LEKR1: variants seen among roughly 807,000 people sequenced by gnomAD.
The protein encoded by LEKR1 is protein LEKR1.
A neutral mutation model predicts 72.4 loss-of-function variants in LEKR1; 59 were observed. The ratio of observed to expected loss-of-function variants is 0.82; its 90% CI spans 0.66 to 1.01. The LOEUF is 1.01. LEKR1 is among the 50% of genes least tolerant of loss of function. The pLI, the probability that LEKR1 is intolerant of heterozygous loss-of-function variation, is 0.00. For synonymous variants in LEKR1, 257 were observed against 263.2 expected (o/e 0.98, Z 0.23); for missense variants, 728 against 759.2 (o/e 0.96, Z 0.48).
intron 3 of LEKR1, among the ~76,000 whole-genome samples, chr3:156,908,216 C>T (rs187260640): frequency 1.3e-5 from 2 of 152,152 alleles, no homozygotes; most frequent in South Asian, 2.1e-4. Flanking sequence ...TTTTTCCCTT[C>T]GTAATTAATA....
chr3:156,881,112 G>C (rs1485671373), intron 3 of LEKR1, among the ~76,000 whole-genome samples: 6 of 152,102 alleles, frequency 3.9e-5, no homozygotes, highest in African/African-American at 1.4e-4. Flanking sequence ...CCCTCTCTCA[G>C]CACTCCTATT....
chr3:157,004,203 G>A lies in LEKR1; in HGVS notation c.1110-7210G>A, dbSNP rs190381773. On this transcript the variant is annotated intron_variant, in intron 9 of 12. Transcript: ENST00000356539. ...TAATGGCTTTACAAAGTAGATTTTG[G>A]AACAAAAAAAATATTACCAGAAGTA... Among the ~76,000 whole-genome samples the A allele has an allele frequency of 1.6e-4, 24 of 151,918 alleles. No individual in the cohort carries two copies. The South Asian group carries it at 3.9e-3, about 25-fold the overall frequency.
rs774211954 is a variant in LEKR1 at position 156,993,141 on chromosome 3, C to G, written c.973C>G (p.Gln325Glu). ...MTCQQIYKALQEELTVKEKQE... is the reference protein window; with the variant it reads ...MTCQQIYKALEEELTVKEKQE... ...TTGTCAACAGATATATAAAGCATTA[C>G]AGGAAGAGCTGACTGTGAAAGAAAA... is the stretch of plus-strand genomic sequence containing the variant. The change falls in exon 9 of 13, where the codon CAG (glutamine) becomes GAG (glutamate). Residue 325 changes from glutamine to glutamate, a missense_variant. Gln to Glu is a conservative substitution (Grantham distance 29). Transcript: ENST00000356539. 4 of 1,611,958 alleles carry G rather than the reference C, an allele frequency of 2.5e-6. No individual in the cohort carries two copies. The African/African-American group carries it at 5.4e-5, about 22-fold the overall frequency.
chr3:156,996,461 CA>C lies in LEKR1; in HGVS notation c.1109+3185del, dbSNP rs1295047083. ...CAGGGTCACATCATGCAGGGCCTTGCAGGCCTTTGGGAGTTTGGGTGCTGTT... is the reference window on the plus strand; with the variant it reads ...CAGGGTCACATCATGCAGGGCCTTGCGGCCTTTGGGAGTTTGGGTGCTGTT... On this transcript the variant is annotated intron_variant, in intron 9 of 12. Transcript: ENST00000356539. Among the ~76,000 whole-genome samples the C allele has an allele frequency of 6.6e-5, 10 of 152,242 alleles. No individual in the cohort carries two copies. In the East Asian group the frequency reaches 1.9e-3, roughly 29 times the overall value.
Position 157,045,670 on chromosome 3 carries a change from C to T in LEKR1, c.1999C>T (p.Pro667Ser), listed in dbSNP as rs1475497986. ...GCCCATTCTCCCCCAGCCACATCCT[C>T]CCAGGGGTGGAGCATCTTCAGCAAA... ...GVPILPQPHP[P>S]RGGASSANET... The change falls in exon 13 of 13, where the codon CCC becomes TCC. Residue 667 changes from proline to serine, a missense_variant. Transcript: ENST00000356539. The T allele has an allele frequency of 1.2e-6, 2 of 1,614,046 alleles. No homozygotes were observed. The highest frequency in any genetic ancestry group is 1.7e-5 in the Admixed American group (1 of 60,006).
At chr3:157,026,959 C>T (rs1734230421) in intron 11 of LEKR1, among the ~76,000 whole-genome samples, 1 of 152,134 alleles carries the variant, frequency 6.6e-6, no homozygotes, top group African/African-American at 2.4e-5. Context: ...CCTTGAGAAG[C>T]AATACATTTT....
intron 5 of LEKR1, among the ~76,000 whole-genome samples, chr3:156,936,466 C>CACACACACACACACA (rs71931633): frequency 1.2e-4 from 7 of 57,274 alleles, no homozygotes; most frequent in Admixed American, 2.3e-4. Context: ...CACACACACA[C>CACACACACACACACA]CCCCCGTATG....
intron 3 of LEKR1, among the ~76,000 whole-genome samples, chr3:156,892,176 A>T (rs1206336906): frequency 1.3e-5 from 2 of 152,176 alleles, no homozygotes; most frequent in Non-Finnish European, 2.9e-5. Flanking sequence ...GGTGGGTAGG[A>T]GGTCTCTAAG....
At chr3:156,838,758 C>A (rs1713491744) in intron 2 of LEKR1, among the ~76,000 whole-genome samples, 1 of 152,154 alleles carries the variant, frequency 6.6e-6, no homozygotes, top group South Asian at 2.1e-4. Context: ...CCAGAGCTCA[C>A]CTCCAATTCC....
At chr3:156,900,324 GA>G (rs1392448941) in intron 3 of LEKR1, among the ~76,000 whole-genome samples, 2 of 152,136 alleles carry the variant, frequency 1.3e-5, no homozygotes, top group Non-Finnish European at 2.9e-5. Flanking sequence ...CATGTTCAAA[GA>G]CCAGTTTGTG....
chr3:156,886,076 G>T (rs1006110186), intron 3 of LEKR1, among the ~76,000 whole-genome samples: 2 of 152,212 alleles, frequency 1.3e-5, no homozygotes, highest in African/African-American at 2.4e-5. Flanking sequence ...ATATCATCAG[G>T]TTGGGGCAGT....
intron 12 of LEKR1, 29 bp downstream of exon 12, chr3:157,028,431 A>G (rs765095072): frequency 1.3e-6 from 2 of 1,531,180 alleles, no homozygotes; most frequent in South Asian, 2.5e-5. Context: ...TAACTTTGCA[A>G]TTAATCAAAG....
intron 7 of LEKR1, among the ~76,000 whole-genome samples, chr3:156,990,648 T>G (rs1731079247): frequency 6.6e-6 from 1 of 152,220 alleles, no homozygotes; most frequent in Admixed American, 6.5e-5. Context: ...TTCCTTTCTT[T>G]TAATGGCTTA....
At chr3:157,027,973 A>G (rs1381131083) in intron 11 of LEKR1, 130 bp from the exon 12 acceptor site, 1 of 548,212 alleles carries the variant, frequency 1.8e-6, no homozygotes, top group South Asian at 3.5e-5. Context: ...AGGCCTGCAC[A>G]TCATGGGTTT....
chr3:156,970,710 G>A (rs559176874), intron 6 of LEKR1, among the ~76,000 whole-genome samples: 1 of 152,246 alleles, frequency 6.6e-6, no homozygotes, highest in African/African-American at 2.4e-5. Context: ...CAGACAGAGA[G>A]CCAAATCATA....
intron 3 of LEKR1, among the ~76,000 whole-genome samples, chr3:156,898,823 A>AAAAC (rs376252697): frequency 3.3e-5 from 5 of 152,210 alleles, no homozygotes; most frequent in Non-Finnish European, 2.9e-5. Context: ...CTGCTAAAAC[A>AAAAC]AAACAAACAA....
chr3:157,028,722 T>C lies in LEKR1; in HGVS notation c.1668+320T>C, dbSNP rs541294272. On this transcript the variant is annotated intron_variant, in intron 12 of 12. Transcript: ENST00000356539. ...GGAATCTTTATATGTTTATGTCTTA[T>C]TTGTTTTAACGTTAAATTGTTGCCA... is the stretch of plus-strand genomic sequence containing the variant. Among the ~76,000 whole-genome samples, 3 of 152,322 alleles carry C rather than the reference T, an allele frequency of 2.0e-5. No individual in the cohort carries two copies. In the East Asian group the frequency reaches 5.8e-4, roughly 29 times the overall value.
At chr3:156,869,414 A>G (rs910247268) in intron 3 of LEKR1, among the ~76,000 whole-genome samples, 1 of 152,076 alleles carries the variant, frequency 6.6e-6, no homozygotes, top group African/African-American at 2.4e-5. Flanking sequence ...GTAAGATGAT[A>G]TCTCGTGGTT....
chr3:156,897,934 C>T (rs898916279), intron 3 of LEKR1, among the ~76,000 whole-genome samples: 1 of 132,040 alleles, frequency 7.6e-6, no homozygotes, highest in Non-Finnish European at 1.6e-5. Flanking sequence ...GCCTGGGTGA[C>T]AAAGCAAGAC....
Sources: gnomAD v4.1 joint callset for allele counts (sites outside exome capture counted in the v4.1 genomes callset) on GRCh38, gnomAD v4.1.1 for gene constraint, MANE v1.5 for transcripts, NCBI Gene and HGNC (gene_info 2026-07-23, HGNC 2026-07-21) for gene names.